ZC3H15: variants seen among roughly 807,000 people sequenced by gnomAD.
ZC3H15 encodes zinc finger CCCH domain-containing protein 15.
A neutral mutation model predicts 51.2 loss-of-function variants in ZC3H15; 15 were observed. The ratio of observed to expected loss-of-function variants is 0.29; its 90% CI spans 0.20 to 0.45. ZC3H15 has a LOEUF of 0.45. ZC3H15 is among the 20% of genes least tolerant of loss of function. ZC3H15 has a pLI of 1.00. For missense variants in ZC3H15, 381 were observed against 494.7 expected, an observed-to-expected ratio of 0.77 and a Z score of 2.18; for synonymous variants, 144 against 162.8, an observed-to-expected ratio of 0.88 and a Z score of 0.88.
chr2:186,500,185 G>A lies in ZC3H15; in HGVS notation c.181G>A (p.Ala61Thr). 1.9e-6 allele frequency: 3 copies of A among 1,609,374 alleles called. No homozygotes were observed. The highest frequency in any genetic ancestry group is 1.7e-4 in the Middle Eastern group (1 of 6,032). ...KFGQQNPRQV[A>T]QSEAEKKLKK... Reference sequence around the variant, plus strand: ...TTTAAACCTGGGAATATTATAGGTAGCACAGAGTGAAGCTGAAAAGAAATT... The same window carrying A: ...TTTAAACCTGGGAATATTATAGGTAACACAGAGTGAAGCTGAAAAGAAATT... Residue 61 changes from alanine to threonine, a missense_variant, in exon 3 of 10, where the codon GCA becomes ACA. Physicochemically the swap from Ala to Thr is moderately conservative, Grantham distance 58. This residue lies in a region of ZC3H15 where 125 missense variants were observed against 166.3 expected (regional missense o/e 0.75). Transcript: ENST00000337859.
chr2:186,498,652 C>T (rs896918838), intron 2 of ZC3H15, among the ~76,000 whole-genome samples: 4 of 152,180 alleles, frequency 2.6e-5, no homozygotes, highest in Non-Finnish European at 5.9e-5. Flanking sequence ...CCATTCCTTT[C>T]CTAAAATTTC....
intron 2 of ZC3H15, among the ~76,000 whole-genome samples, chr2:186,498,446 G>T (rs1253867110): frequency 6.6e-6 from 1 of 152,212 alleles, no homozygotes; most frequent in Non-Finnish European, 1.5e-5. Flanking sequence ...TAAATGGCTT[G>T]TAGACCTCCA....
intron 1 of ZC3H15, among the ~76,000 whole-genome samples, chr2:186,494,576 C>T (rs1685252158): frequency 6.6e-6 from 1 of 152,200 alleles, no homozygotes; most frequent in Non-Finnish European, 1.5e-5. Flanking sequence ...TTTAATCAAG[C>T]ATTTTCCTAA....
At chr2:186,498,496 A>T (rs946201885) in intron 2 of ZC3H15, among the ~76,000 whole-genome samples, 22 of 152,222 alleles carry the variant, frequency 1.4e-4, no homozygotes, top group Admixed American at 6.5e-5. Flanking sequence ...AATGTTTGAG[A>T]TGGGCCTGAT....
chr2:186,500,118 A>G (rs1685355514), intron 2 of ZC3H15, 64 bp from the exon 3 acceptor site: 2 of 1,413,444 alleles, frequency 1.4e-6, no homozygotes, highest in Non-Finnish European at 1.9e-6. Flanking sequence ...GGTAATGCTA[A>G]CTTTGTAGTA....
intron 8 of ZC3H15, 78 bp from the exon 9 acceptor site, chr2:186,506,635 G>T: frequency 1.4e-6 from 2 of 1,476,688 alleles, no homozygotes; most frequent in Non-Finnish European, 1.8e-6. Context: ...GATAATTTTG[G>T]CTCATTAAGA....
intron 2 of ZC3H15, chr2:186,497,072 C>A: frequency 2.7e-6 from 1 of 364,630 alleles, no homozygotes; most frequent in South Asian, 2.0e-5. Flanking sequence ...CTTTTTTTTT[C>A]AGGTTCTTTA....
intron 1 of ZC3H15, among the ~76,000 whole-genome samples, chr2:186,493,326 C>A (rs1685229242): frequency 6.6e-6 from 1 of 152,082 alleles, no homozygotes; most frequent in Non-Finnish European, 1.5e-5. Flanking sequence ...GAACACTAAG[C>A]ACAGAGGAGG....
chr2:186,505,707 G>C, intron 7 of ZC3H15, 33 bp from the exon 8 acceptor site: 1 of 1,607,906 alleles, frequency 6.2e-7, no homozygotes, highest in South Asian at 1.1e-5. Flanking sequence ...TTAGATTTTT[G>C]TCCTGAGTTG....
At chr2:186,506,155 AAGAG>A (rs1268102638) in intron 8 of ZC3H15, 4 of 393,212 alleles carry the variant, frequency 1.0e-5, no homozygotes, top group African/African-American at 6.1e-5. Flanking sequence ...CTCCCTCTAA[AAGAG>A]AGAGTTATTT....
At chr2:186,501,011 A>G (rs1685373997) in intron 3 of ZC3H15, among the ~76,000 whole-genome samples, 1 of 152,134 alleles carries the variant, frequency 6.6e-6, no homozygotes, top group Non-Finnish European at 1.5e-5. Context: ...CAACTAGACA[A>G]AGCCTGTGAA....
chr2:186,498,302 G>T (rs1489319805), intron 2 of ZC3H15, among the ~76,000 whole-genome samples: 1 of 152,226 alleles, frequency 6.6e-6, no homozygotes, highest in Non-Finnish European at 1.5e-5. Context: ...CCATGCTTCA[G>T]TGTGGAACTC....
In ZC3H15 at chr2:186,509,165, A is replaced by T. The variant is rs1469503827; in HGVS notation, c.*432A>T. On this transcript the variant is annotated 3_prime_UTR_variant, in exon 10 of 10. Transcript: ENST00000337859. ...TTAGAAGACTGCCTAAAACATGAGC[A>T]CTGTACTTCATAAAGGAAACTGCGT... 3 of 387,696 alleles carry T rather than the reference A, an allele frequency of 7.7e-6. No individual in the cohort carries two copies. The highest frequency in any genetic ancestry group is 6.5e-5 in the Admixed American group (2 of 30,756). 24.0% of individuals were successfully genotyped at this position (387,696 alleles called of 1,614,324 possible). A position where few individuals can be genotyped will look rare whatever the true frequency, so the allele number is the denominator to read the frequency against.
rs146239740 is a variant in ZC3H15 at position 186,506,049 on chromosome 2, C to T, written c.966+208C>T. The T allele has an allele frequency of 1.1e-3, 745 of 663,580 alleles. 2 individuals are homozygous for T. In the African/African-American group the frequency reaches 0.012, roughly 11 times the overall value. 41.1% of individuals were successfully genotyped at this position (663,580 alleles called of 1,614,324 possible). A position where few individuals can be genotyped will look rare whatever the true frequency, so the allele number is the denominator to read the frequency against. On this transcript the variant is annotated intron_variant, in intron 8 of 9. Transcript: ENST00000337859. ...TACATCATAGTTTGTGAGAATTAAT[C>T]GAGTTCATGAATTAGTAGTTCTTTA...
chr2:186,504,310 G>GAA, intron 6 of ZC3H15, 96 bp downstream of exon 6: 1 of 961,362 alleles, frequency 1.0e-6, no homozygotes, highest in Non-Finnish European at 1.4e-6. Context: ...TTTATGAAAG[G>GAA]AAAAAAAAAA....
In ZC3H15 at chr2:186,500,380, TAATG is replaced by T. The variant is rs1170542160; in HGVS notation, c.289+89_289+92del. 10 of 1,120,198 alleles carry T rather than the reference TAATG, an allele frequency of 8.9e-6. No individual in the cohort carries two copies. In the African/African-American group the frequency reaches 1.4e-4, roughly 16 times the overall value. The allele number at this position is 1,120,198 out of a possible 1,614,324, so 69.4% of individuals were successfully genotyped here. On this transcript the variant is annotated intron_variant, in intron 3 of 9. Coordinates refer to ENST00000337859, the MANE Select transcript of ZC3H15 (RefSeq NM_018471.3). Reference sequence around the variant, plus strand: ...TATTTTGATGTTTATTTTCTTTAGATAATGAGACAGTTATGTCTGAATGAAAATG... The same window carrying T: ...TATTTTGATGTTTATTTTCTTTAGATAGACAGTTATGTCTGAATGAAAATG...
chr2:186,506,119 A>G (rs981661629), intron 8 of ZC3H15: 49 of 465,860 alleles, frequency 1.1e-4, no homozygotes, highest in African/African-American at 9.5e-4. Flanking sequence ...TGCTATATGT[A>G]TTACCTGTAA....
chr2:186,497,542 C>T (rs1020167857), intron 2 of ZC3H15, among the ~76,000 whole-genome samples: 1 of 152,164 alleles, frequency 6.6e-6, no homozygotes, highest in Non-Finnish European at 1.5e-5. Context: ...AATAGCAACC[C>T]TGGTCTTTAT....
intron 1 of ZC3H15, among the ~76,000 whole-genome samples, chr2:186,491,558 A>G (rs1320377810): frequency 6.6e-6 from 1 of 152,164 alleles, no homozygotes; most frequent in East Asian, 1.9e-4. Flanking sequence ...AACTTTCACA[A>G]CAACCCTAAG....
Sources: allele counts gnomAD v4.1 joint callset (sites outside exome capture counted in the v4.1 genomes callset), GRCh38; gene constraint gnomAD v4.1.1; regional missense constraint gnomAD v4.1.1; transcripts MANE v1.5; gene names NCBI Gene and HGNC (gene_info 2026-07-23, HGNC 2026-07-21).